The following SH3BP4 variants were observed in gnomAD, a reference collection of about 807,000 sequenced individuals.
SH3BP4 encodes the protein SH3 domain-binding protein 4.
In SH3BP4, 33 loss-of-function variants were observed where a neutral mutation model predicts 65.5. The observed-to-expected ratio is 0.50, with a 90% CI of 0.38 to 0.67. The LOEUF is 0.67. SH3BP4 is among the 30% of genes least tolerant of loss of function. The pLI is 0.00. For missense variants in SH3BP4, 1,134 were observed against 1,261.4 expected, an observed-to-expected ratio of 0.90 and a Z score of 1.53; for synonymous variants, 552 against 545.5, an observed-to-expected ratio of 1.01 and a Z score of -0.17.
At chr2:235,029,318 GC>G (rs36124376) in intron 2 of SH3BP4, among the ~76,000 whole-genome samples, 17,763 of 152,178 alleles carry the variant, frequency 0.12, 2,587 homozygotes, top group African/African-American at 0.34. Flanking sequence ...GGGGTTTGGG[GC>G]AAGCTCCAGA....
In SH3BP4 at chr2:234,960,908, G is replaced by T. The variant is rs968244175; in HGVS notation, c.-207+8738G>T. ...TTCTTACATTGTTTTTTGTTTCCCA[G>T]CCATTGTCAGGGAACAATAGCTGGA... On this transcript the variant is annotated intron_variant, in intron 1 of 5. Coordinates refer to ENST00000392011, the MANE Select transcript of SH3BP4 (RefSeq NM_014521.3). Among the ~76,000 whole-genome samples, 14 of 152,240 alleles carry T rather than the reference G, an allele frequency of 9.2e-5. No homozygotes were observed. The East Asian group carries it at 2.7e-3, about 29-fold the overall frequency.
chr2:234,966,325 C>T (rs1395843637), intron 1 of SH3BP4, among the ~76,000 whole-genome samples: 2 of 152,104 alleles, frequency 1.3e-5, no homozygotes, highest in East Asian at 1.9e-4. Context: ...GCCGAGATTG[C>T]GCCATTGCAC....
chr2:235,041,928 G>A lies in SH3BP4; in HGVS notation c.1159G>A (p.Val387Met), dbSNP rs1319697009. ...VLEVKLSNLEVKTSIILEMKV... is the reference protein window; with the variant it reads ...VLEVKLSNLEMKTSIILEMKV... ...GGAGGTCAAGCTGAGCAACCTGGAG[G>A]TGAAAACCTCTATCATCTTGGAGAT... Residue 387 changes from valine to methionine, a missense_variant, in exon 4 of 6, where the codon GTG (valine) becomes ATG (methionine). Transcript: ENST00000392011. The surrounding 1 kb of genome is among the most constrained non-coding windows in gnomAD (Gnocchi z 6.0). 6.2e-7 allele frequency: 1 copy of A among 1,613,538 alleles called. No individual in the cohort carries two copies. The highest frequency in any genetic ancestry group is 8.5e-7 in the Non-Finnish European group (1 of 1,179,788).
chr2:235,009,971 A>G (rs1694424856), intron 2 of SH3BP4, among the ~76,000 whole-genome samples: 1 of 152,048 alleles, frequency 6.6e-6, no homozygotes, highest in Non-Finnish European at 1.5e-5. Flanking sequence ...CTGCCGTGGT[A>G]TAGATGCTCA....
chr2:235,042,945 C>T lies in SH3BP4; in HGVS notation c.2176C>T (p.Arg726Trp), dbSNP rs114173777. The T allele has an allele frequency of 7.3e-4, 1,179 of 1,613,014 alleles. 10 individuals are homozygous for T. In the African/African-American group the frequency reaches 0.013, roughly 17 times the overall value. Residue 726 changes from arginine to tryptophan, a missense_variant, in exon 4 of 6, where the codon CGG becomes TGG. Arg to Trp is a moderately radical substitution (Grantham distance 101). Transcript: ENST00000392011. The surrounding 1 kb of genome is among the most constrained non-coding windows in gnomAD (Gnocchi z 7.3). ...TKNVLVVGRA[R>W]PSLCSGPELS... ...GAACGTGCTGGTGGTCGGCAGGGCC[C>T]GGCCCAGCCTGTGCTCGGGCCCCGA...
chr2:235,042,181 A>AT lies in SH3BP4; in HGVS notation c.1413dup (p.Lys472Ter). 1 of 1,614,092 alleles carries AT rather than the reference A, an allele frequency of 6.2e-7. No homozygotes were observed. The highest frequency in any genetic ancestry group is 8.5e-7 in the Non-Finnish European group (1 of 1,180,012). On this transcript the variant is annotated frameshift_variant, in exon 4 of 6. Coordinates refer to ENST00000392011, the MANE Select transcript of SH3BP4 (RefSeq NM_014521.3). LOFTEE classifies it high-confidence loss of function. This position sits in a 1 kb window ranked among gnomAD's most constrained non-coding sequence, Gnocchi z 7.3. The stretch of plus-strand genomic sequence containing the variant: ...CCTTCCACCGTGTGGGACTTCATCA[A>AT]TAAAAAAGTCACAGTGGGTCTCTAC...
intron 1 of SH3BP4, among the ~76,000 whole-genome samples, chr2:234,968,242 G>A (rs1216065428): frequency 6.6e-6 from 1 of 152,200 alleles, no homozygotes; most frequent in African/African-American, 2.4e-5. Context: ...TATGAGGTGG[G>A]GACTGGGGGC....
chr2:235,009,025 C>G (rs1400293305), intron 2 of SH3BP4, among the ~76,000 whole-genome samples: 2 of 152,184 alleles, frequency 1.3e-5, no homozygotes, highest in African/African-American at 4.8e-5. Context: ...CTGGGATTGT[C>G]TAGAAATCAG....
At chr2:235,024,205 G>A (rs1694926899) in intron 2 of SH3BP4, among the ~76,000 whole-genome samples, 1 of 152,150 alleles carries the variant, frequency 6.6e-6, no homozygotes, top group Admixed American at 6.5e-5. Context: ...CCCTTTCTTT[G>A]TGGCTGAAGG....
rs2106338694 is a variant in SH3BP4 at position 235,045,429 on chromosome 2, C to T, written c.2478+2182C>T. 6.6e-6 allele frequency among the ~76,000 whole-genome samples: 1 copy of T among 152,264 alleles called. No individual in the cohort carries two copies. On this transcript the variant is annotated intron_variant, in intron 4 of 5. Transcript: ENST00000392011. This position sits in a 1 kb window ranked among gnomAD's most constrained non-coding sequence, Gnocchi z 4.3. Reference sequence around the variant, plus strand: ...AAACTCTCTCAATTCGATTGGTGAGCATCTCTGGGAGGGGATTTTTTGGTG... The same window carrying T: ...AAACTCTCTCAATTCGATTGGTGAGTATCTCTGGGAGGGGATTTTTTGGTG...
intron 1 of SH3BP4, among the ~76,000 whole-genome samples, chr2:234,960,901 T>C (rs1692692759): frequency 6.6e-6 from 1 of 152,202 alleles, no homozygotes. Context: ...TTGTTTTTTG[T>C]TTCCCAGCCA....
At chr2:234,956,152 C>G (rs1412145820) in intron 1 of SH3BP4, among the ~76,000 whole-genome samples, 2 of 152,156 alleles carry the variant, frequency 1.3e-5, no homozygotes, top group Admixed American at 6.6e-5. Flanking sequence ...CCATTTTGCA[C>G]CTTTGTTCGT....
chr2:234,955,303 G>A lies in SH3BP4; in HGVS notation c.-207+3133G>A, dbSNP rs141094092. The stretch of plus-strand genomic sequence containing the variant: ...CTCAGCTTCTGGGGAGCTGGGCTAG[G>A]TCTCTGGGCTCCCCAGCTATTTGCA... On this transcript the variant is annotated intron_variant, in intron 1 of 5. Transcript: ENST00000392011. Among the ~76,000 whole-genome samples the A allele has an allele frequency of 2.5e-3, 378 of 152,258 alleles. 1 individual carries two copies. Among genetic ancestry groups the A allele is most frequent in the African/African-American group, 8.5e-3 (354 of 41,548 alleles).
At chr2:234,961,031 T>G (rs1017762574) in intron 1 of SH3BP4, among the ~76,000 whole-genome samples, 1 of 152,142 alleles carries the variant, frequency 6.6e-6, no homozygotes, top group Non-Finnish European at 1.5e-5. Flanking sequence ...GACATCACAG[T>G]GGGAAAGAGC....
At chr2:235,020,032 C>T (rs1404557148) in intron 2 of SH3BP4, among the ~76,000 whole-genome samples, 3 of 152,014 alleles carry the variant, frequency 2.0e-5, no homozygotes, top group Non-Finnish European at 4.4e-5. Context: ...GGAGAGCCAC[C>T]GAATCTAGGA....
chr2:235,015,972 C>T (rs1694674300), intron 2 of SH3BP4, among the ~76,000 whole-genome samples: 1 of 152,000 alleles, frequency 6.6e-6, no homozygotes, highest in Admixed American at 6.6e-5. Context: ...CTGTGCTCAT[C>T]AGCATCAGTC....
chr2:234,953,230 C>CT (rs1692516543), intron 1 of SH3BP4: 1 of 152,234 alleles, frequency 6.6e-6, no homozygotes, highest in Non-Finnish European at 1.5e-5. Flanking sequence ...GGACAGAAAG[C>CT]TAGAGATAAA....
chr2:234,981,564 G>C (rs1693384966), intron 1 of SH3BP4: 1 of 152,200 alleles, frequency 6.6e-6, no homozygotes, highest in African/African-American at 2.4e-5. Context: ...TGTTTAGAAG[G>C]AATGCATTCC....
intron 2 of SH3BP4, among the ~76,000 whole-genome samples, chr2:235,019,430 CG>C (rs1298654336): frequency 6.3e-4 from 85 of 135,012 alleles, no homozygotes; most frequent in Non-Finnish European, 1.0e-3. Context: ...GTGGGAAGGG[CG>C]AATTTTTTTT....
Sources: allele counts gnomAD v4.1 joint callset (sites outside exome capture counted in the v4.1 genomes callset), GRCh38; gene constraint gnomAD v4.1.1; non-coding constraint Gnocchi (gnomAD v3.1); transcripts MANE v1.5; gene names NCBI Gene and HGNC (gene_info 2026-07-23, HGNC 2026-07-21).